BBX: variants seen among roughly 807,000 people sequenced by gnomAD.
BBX encodes BBX high mobility group box domain containing.
A neutral mutation model predicts 100.2 loss-of-function variants in BBX; 30 were observed. That is an observed-to-expected ratio of 0.30 (90% CI 0.22 to 0.41). The LOEUF is 0.41. Ranked by LOEUF, BBX falls within the 10% of genes least tolerant of loss-of-function variation. The pLI is 1.00. For missense variants in BBX, 1,023 were observed against 1,129.8 expected, an observed-to-expected ratio of 0.91 and a Z score of 1.35; for synonymous variants, 376 against 388.1, an observed-to-expected ratio of 0.97 and a Z score of 0.37.
In BBX at chr3:107,732,451, A is replaced by T. The variant is rs73208531; in HGVS notation, c.602-505A>T. Among the ~76,000 whole-genome samples the T allele has an allele frequency of 5.3e-5, 8 of 152,214 alleles. No homozygotes were observed. The East Asian group carries it at 1.5e-3, about 29-fold the overall frequency. ...TTTATTTTTAAAACTGTAAAGAAAG[A>T]TTATTTGAATAAAACCTACCAGATT... On this transcript the variant is annotated intron_variant, in intron 6 of 17. Transcript: ENST00000325805.
At chr3:107,761,057 C>G (rs1446393207) in intron 10 of BBX, among the ~76,000 whole-genome samples, 1 of 152,196 alleles carries the variant, frequency 6.6e-6, no homozygotes, top group Non-Finnish European at 1.5e-5. Context: ...CTGAGGCCAA[C>G]AGTCATTGCC....
intron 1 of BBX, among the ~76,000 whole-genome samples, chr3:107,524,805 G>A (rs181839406): frequency 7.2e-6 from 1 of 139,002 alleles, no homozygotes; most frequent in Non-Finnish European, 1.5e-5. Flanking sequence ...GTGGAGGTGG[G>A]GGGGGGGGCG....
intron 2 of BBX, among the ~76,000 whole-genome samples, chr3:107,568,545 C>G (rs2051107236): frequency 6.6e-6 from 1 of 152,188 alleles, no homozygotes; most frequent in Non-Finnish European, 1.5e-5. Context: ...AGGCATGAGC[C>G]ACTGCGCCCG....
chr3:107,578,602 A>G lies in BBX; in HGVS notation c.-84+52204A>G, dbSNP rs1242394101. 2.6e-5 allele frequency among the ~76,000 whole-genome samples: 4 copies of G among 152,116 alleles called. No homozygotes were observed. In the South Asian group the frequency reaches 6.2e-4, roughly 24 times the overall value. On this transcript the variant is annotated intron_variant, in intron 2 of 17. Transcript: ENST00000325805. ...ATTTTCCAGAAACATGGGTTTTTTT[A>G]TGGCTTCATTTTCCTGTCTTTCTGC...
At chr3:107,788,128 A>G (rs1049822511) in intron 13 of BBX, among the ~76,000 whole-genome samples, 1 of 152,070 alleles carries the variant, frequency 6.6e-6, no homozygotes, top group African/African-American at 2.4e-5. Context: ...ATTTTATTTT[A>G]TTTCATTTTA....
intron 2 of BBX, among the ~76,000 whole-genome samples, chr3:107,564,940 A>G (rs1039377847): frequency 6.6e-6 from 1 of 152,186 alleles, no homozygotes; most frequent in Admixed American, 6.5e-5. Context: ...GAAAGTTATC[A>G]TAAAATACTG....
At chr3:107,566,556 G>GT (rs34151023) in intron 2 of BBX, among the ~76,000 whole-genome samples, 8,224 of 130,846 alleles carry the variant, frequency 0.063, 587 homozygotes, top group African/African-American at 0.18. Flanking sequence ...TACCTTTTTT[G>GT]TTTTTTTTTT....
chr3:107,562,131 A>G (rs982745195), intron 2 of BBX, among the ~76,000 whole-genome samples: 3 of 151,384 alleles, frequency 2.0e-5, no homozygotes, highest in African/African-American at 7.2e-5. Flanking sequence ...TTCTTGCACA[A>G]ACATGTAGAT....
intron 10 of BBX, among the ~76,000 whole-genome samples, chr3:107,762,038 G>A (rs906164668): frequency 4.6e-5 from 7 of 152,136 alleles, no homozygotes; most frequent in South Asian, 2.1e-4. Flanking sequence ...AAGGGGACCC[G>A]TGTGGTGGGT....
intron 2 of BBX, among the ~76,000 whole-genome samples, chr3:107,569,565 G>C (rs1474403757): frequency 6.6e-6 from 1 of 152,112 alleles, no homozygotes; most frequent in African/African-American, 2.4e-5. Flanking sequence ...TGTGGCTATA[G>C]CCTAGGAATA....
rs912236270 is a variant in BBX, at chr3:107,726,447, T to C, written c.406-2318T>C. Among the ~76,000 whole-genome samples, 6 of 131,102 alleles carry C rather than the reference T, an allele frequency of 4.6e-5. 2 individuals carry two copies. In the East Asian group the frequency reaches 3.2e-3, roughly 69 times the overall value. 86.0% of individuals were successfully genotyped at this position (131,102 alleles called of 152,430 possible). A position where few individuals can be genotyped will look rare whatever the true frequency, so the allele number is the denominator to read the frequency against. On this transcript the variant is annotated intron_variant, in intron 5 of 17. Transcript: ENST00000325805. ...GTTCTCTATCTCTCACGTTCTTAACTCTTCCACTCAATTTATACTTGATGG... is the reference window on the plus strand; with the variant it reads ...GTTCTCTATCTCTCACGTTCTTAACCCTTCCACTCAATTTATACTTGATGG...
At chr3:107,678,871 A>G (rs938137345) in intron 3 of BBX, among the ~76,000 whole-genome samples, 3 of 152,210 alleles carry the variant, frequency 2.0e-5, no homozygotes, top group African/African-American at 4.8e-5. Flanking sequence ...ATGTGTATAT[A>G]AAAATGGCTT....
At chr3:107,537,986 A>G (rs1459673755) in intron 2 of BBX, among the ~76,000 whole-genome samples, 2 of 152,250 alleles carry the variant, frequency 1.3e-5, no homozygotes, top group Non-Finnish European at 2.9e-5. Context: ...AAACAGACAC[A>G]TGGAATAGTA....
chr3:107,754,120 C>T (rs542342816), intron 9 of BBX, among the ~76,000 whole-genome samples: 1 of 152,284 alleles, frequency 6.6e-6, no homozygotes, highest in East Asian at 1.9e-4. Flanking sequence ...TAAGTCCACA[C>T]AGCAGCAAGT....
At chr3:107,607,332 C>T (rs936437263) in intron 2 of BBX, among the ~76,000 whole-genome samples, 8 of 152,136 alleles carry the variant, frequency 5.3e-5, no homozygotes, top group African/African-American at 1.7e-4. Flanking sequence ...CCACCCGCCT[C>T]GGCCTCCCAA....
chr3:107,774,314 T>A (rs2067143943), intron 11 of BBX, among the ~76,000 whole-genome samples: 1 of 152,142 alleles, frequency 6.6e-6, no homozygotes, highest in Non-Finnish European at 1.5e-5. Context: ...GAGTCCTAGG[T>A]CTAACAAGCC....
intron 3 of BBX, among the ~76,000 whole-genome samples, chr3:107,698,376 G>A: frequency 6.6e-6 from 1 of 151,830 alleles, no homozygotes; most frequent in East Asian, 1.9e-4. Context: ...AGCTAGGCCA[G>A]ATGCGGTGGT....
chr3:107,618,876 T>C (rs980242558), intron 2 of BBX, among the ~76,000 whole-genome samples: 1 of 152,084 alleles, frequency 6.6e-6, no homozygotes, highest in African/African-American at 2.4e-5. Flanking sequence ...TATTCTGCTG[T>C]TGGGTCAGAT....
intron 5 of BBX, among the ~76,000 whole-genome samples, chr3:107,724,149 C>T (rs2062745166): frequency 6.6e-6 from 1 of 152,188 alleles, no homozygotes; most frequent in East Asian, 1.9e-4. Context: ...ATTTGCATTT[C>T]TCTGATGGCC....
Sources: allele counts gnomAD v4.1 joint callset (sites outside exome capture counted in the v4.1 genomes callset), GRCh38; gene constraint gnomAD v4.1.1; transcripts MANE v1.5; gene names NCBI Gene and HGNC (gene_info 2026-07-23, HGNC 2026-07-21).